The following DACH1 variants were observed in gnomAD, a reference collection of about 807,000 sequenced individuals.
DACH1 encodes the protein dachshund family transcription factor 1, also known as dachshund homolog 1.
In DACH1, 12 loss-of-function variants were observed where a neutral mutation model predicts 54.2. That is an observed-to-expected ratio of 0.22 (90% confidence interval 0.14 to 0.36). The LOEUF (loss-of-function observed/expected upper bound fraction) is 0.36. Ranked by LOEUF, DACH1 falls within the 10% of genes least tolerant of loss-of-function variation. The pLI is 1.00. For missense variants in DACH1, 805 were observed against 929.8 expected (o/e 0.87, Z 1.75); for synonymous variants, 386 against 366.2 (o/e 1.05, Z -0.62).
intron 1 of DACH1, among the ~76,000 whole-genome samples, chr13:71,706,381 A>G (rs1215251447): frequency 6.6e-6 from 1 of 152,062 alleles, no homozygotes; most frequent in Non-Finnish European, 1.5e-5. Context: ...ATTTTTAATA[A>G]CAGCCTGCTT....
chr13:71,850,731 C>G (rs1242367351), intron 1 of DACH1, among the ~76,000 whole-genome samples: 1 of 152,158 alleles, frequency 6.6e-6, no homozygotes, highest in Non-Finnish European at 1.5e-5. Flanking sequence ...AATTTCCATA[C>G]AGAAGGACTT....
intron 1 of DACH1, among the ~76,000 whole-genome samples, chr13:71,800,389 G>A (rs928331154): frequency 2.0e-5 from 3 of 152,100 alleles, no homozygotes; most frequent in Non-Finnish European, 4.4e-5. Flanking sequence ...AGTTTGGGAA[G>A]CAAGTATAGT....
At chr13:71,472,766 C>T (rs1044751998) in intron 10 of DACH1, among the ~76,000 whole-genome samples, 3 of 152,124 alleles carry the variant, frequency 2.0e-5, no homozygotes, top group African/African-American at 4.8e-5. Flanking sequence ...TGACATAGAC[C>T]GTTTCACAAA....
chr13:71,762,125 A>C (rs182161975), intron 1 of DACH1, among the ~76,000 whole-genome samples: 1 of 152,276 alleles, frequency 6.6e-6, no homozygotes, highest in South Asian at 2.1e-4. Flanking sequence ...GGTGAGGTAA[A>C]ATAACTGGTC....
chr13:71,718,135 A>G (rs576295648), intron 1 of DACH1, among the ~76,000 whole-genome samples: 2 of 152,186 alleles, frequency 1.3e-5, no homozygotes, highest in African/African-American at 4.8e-5. Context: ...ATATGGTCTC[A>G]CATGGAAAAG....
intron 6 of DACH1, among the ~76,000 whole-genome samples, chr13:71,519,518 C>T (rs528775343): frequency 2.4e-4 from 36 of 151,572 alleles, no homozygotes; most frequent in Non-Finnish European, 4.1e-4. Flanking sequence ...TCCCATTTTT[C>T]CCATTTATAA....
intron 1 of DACH1, among the ~76,000 whole-genome samples, chr13:71,841,153 C>G (rs1298951660): frequency 6.6e-6 from 1 of 152,106 alleles, no homozygotes; most frequent in East Asian, 1.9e-4. Flanking sequence ...TATTAAACCA[C>G]TTTATTTGCT....
chr13:71,627,203 G>A lies in DACH1; in HGVS notation c.1126+3353C>T, dbSNP rs112164380. 9.5e-3 allele frequency among the ~76,000 whole-genome samples: 1,436 copies of A among 151,890 alleles called. 26 individuals carry two copies. The highest frequency in any genetic ancestry group is 0.032 in the African/African-American group (1,329 of 41,444). On this transcript the variant is annotated intron_variant, in intron 3 of 10. Transcript: ENST00000613252. ...ATTTCTAAGGTTCCTATTATGAACCGGGAAGGGTTGTGTGATACAAATTTT... is the reference window on the plus strand; with the variant it reads ...ATTTCTAAGGTTCCTATTATGAACCAGGAAGGGTTGTGTGATACAAATTTT...
chr13:71,816,994 A>G (rs947770797), intron 1 of DACH1, among the ~76,000 whole-genome samples: 1 of 152,152 alleles, frequency 6.6e-6, no homozygotes, highest in African/African-American at 2.4e-5. Flanking sequence ...AATAACCTGT[A>G]CAACAAACCC....
At chr13:71,669,060 A>C (rs1485877437) in intron 2 of DACH1, among the ~76,000 whole-genome samples, 1 of 152,226 alleles carries the variant, frequency 6.6e-6, no homozygotes, top group Non-Finnish European at 1.5e-5. Flanking sequence ...TCCATGTGAA[A>C]CAAAGCAAAT....
At chr13:71,535,585 C>T (rs1363225899) in intron 6 of DACH1, among the ~76,000 whole-genome samples, 1 of 151,878 alleles carries the variant, frequency 6.6e-6, no homozygotes, top group Non-Finnish European at 1.5e-5. Context: ...TAAATAAAGT[C>T]AGGCGCATTT....
chr13:71,647,037 A>T (rs1372701663), intron 2 of DACH1, among the ~76,000 whole-genome samples: 1 of 152,250 alleles, frequency 6.6e-6, no homozygotes, highest in African/African-American at 2.4e-5. Context: ...GCAAACTGTG[A>T]TCATACATTT....
Position 71,630,712 on chromosome 13 carries a change from T to A in DACH1, c.970A>T (p.Thr324Ser). 1 of 1,576,340 alleles carries A rather than the reference T, an allele frequency of 6.3e-7. No individual in the cohort carries two copies. The highest frequency in any genetic ancestry group is 8.6e-7 in the Non-Finnish European group (1 of 1,169,390). ...SPGIIPPTGL[T>S]AAAAAAAAAT... is the part of the protein sequence containing the mutation. ...GCAGCAGCTGCTGCAGCGGCTGCTG[T>A]CAGACCTTAAAAGAATAAATTAAAA... is the stretch of plus-strand genomic sequence containing the variant. The change falls in exon 3 of 11, where the codon ACA (threonine) becomes TCA (serine). Residue 324 changes from threonine (T) to serine (S), a missense_variant. By Grantham distance (58) the Thr-to-Ser change is moderately conservative. Transcript: ENST00000613252.
intron 1 of DACH1, among the ~76,000 whole-genome samples, chr13:71,717,396 T>C (rs1883024303): frequency 6.6e-6 from 1 of 152,086 alleles, no homozygotes; most frequent in Non-Finnish European, 1.5e-5. Context: ...GGATTATCTC[T>C]GGTTTATTTT....
intron 1 of DACH1, among the ~76,000 whole-genome samples, chr13:71,791,765 T>C (rs1348084200): frequency 3.3e-5 from 5 of 152,206 alleles, no homozygotes; most frequent in African/African-American, 1.2e-4. Context: ...TGATGGGCAA[T>C]AAAGTTTCAT....
At chr13:71,529,373 A>C (rs1171033485) in intron 6 of DACH1, among the ~76,000 whole-genome samples, 1 of 151,670 alleles carries the variant, frequency 6.6e-6, no homozygotes, top group Non-Finnish European at 1.5e-5. Context: ...TTTTAGTAGA[A>C]ATGGGGTTTC....
intron 1 of DACH1, among the ~76,000 whole-genome samples, chr13:71,838,545 G>A (rs535626964): frequency 6.6e-6 from 1 of 152,272 alleles, no homozygotes; most frequent in African/African-American, 2.4e-5. Flanking sequence ...CCAAATTCTG[G>A]TATCAATCCC....
chr13:71,486,787 T>A (rs953488874), intron 7 of DACH1, among the ~76,000 whole-genome samples: 1 of 140,532 alleles, frequency 7.1e-6, no homozygotes, highest in Non-Finnish European at 1.5e-5. Context: ...GCGGACAAGC[T>A]AAATTAATTA....
intron 1 of DACH1, among the ~76,000 whole-genome samples, chr13:71,745,054 A>C (rs946922270): frequency 6.6e-6 from 1 of 152,192 alleles, no homozygotes; most frequent in Non-Finnish European, 1.5e-5. Flanking sequence ...TGCCTTACAG[A>C]TTGCTGTGAA....
Sources: gnomAD v4.1 joint callset for allele counts (sites outside exome capture counted in the v4.1 genomes callset) on GRCh38, gnomAD v4.1.1 for gene constraint, MANE v1.5 for transcripts, NCBI Gene and HGNC (gene_info 2026-07-23, HGNC 2026-07-21) for gene names.